The following METTL24 variants were observed in gnomAD, a reference collection of about 807,000 sequenced individuals.
METTL24 encodes the protein methyltransferase like 24.
A neutral mutation model predicts 32.7 loss-of-function variants in METTL24; 29 were observed. The ratio of observed to expected loss-of-function variants is 0.89; its 90% CI spans 0.66 to 1.21. METTL24 has a LOEUF of 1.21. Among genes scored for constraint, METTL24 ranks in the 50% most tolerant of loss-of-function variants. The probability of loss-of-function intolerance (pLI) is 0.00; values close to 1 mark genes in which losing one functional copy is unlikely to be tolerated. For missense variants in METTL24, 439 were observed against 468.1 expected, an observed-to-expected ratio of 0.94 and a Z score of 0.57; for synonymous variants, 163 against 179.5, an observed-to-expected ratio of 0.91 and a Z score of 0.73.
intron 4 of METTL24, among the ~76,000 whole-genome samples, chr6:110,271,320 G>C (rs1348714526): frequency 1.3e-5 from 2 of 151,826 alleles, no homozygotes; most frequent in East Asian, 1.9e-4. Flanking sequence ...TTTTGAGATA[G>C]GGTCTCGCTC....
chr6:110,356,446 T>TA (rs1260440429), intron 1 of METTL24, among the ~76,000 whole-genome samples: 1 of 149,546 alleles, frequency 6.7e-6, no homozygotes, highest in Non-Finnish European at 1.5e-5. Context: ...CCGGCTCAAA[T>TA]AAAAAAAAGA....
rs371550805 is a variant in METTL24 at position 110,299,010 on chromosome 6, C to T, written c.698G>A (p.Arg233Gln). 45 of 1,614,026 alleles carry T rather than the reference C, an allele frequency of 2.8e-5. No individual in the cohort carries two copies. Among genetic ancestry groups the T allele is most frequent in the East Asian group, 2.2e-5 (1 of 44,890 alleles). The change falls in exon 4 of 5, where the codon CGG becomes CAG. Residue 233 changes from arginine (R) to glutamine (Q), a missense_variant. Physicochemically the swap from Arg to Gln is conservative, Grantham distance 43. Transcript: ENST00000338882. ...GGCAGCAACAGCTGGATGGGGATCCCGCCAGTCAATGGACAAGCGGTGATA... is the reference window on the plus strand; with the variant it reads ...GGCAGCAACAGCTGGATGGGGATCCTGCCAGTCAATGGACAAGCGGTGATA... ...LWYHRLSIDW[R>Q]DPHPAVAAQK...
intron 3 of METTL24, among the ~76,000 whole-genome samples, chr6:110,302,133 C>T (rs35422744): frequency 3.3e-4 from 50 of 151,970 alleles, no homozygotes; most frequent in Non-Finnish European, 6.5e-4. Context: ...AAAACATTAG[C>T]CAGGCGTGGT....
chr6:110,281,553 C>T (rs904553953), intron 4 of METTL24, among the ~76,000 whole-genome samples: 1 of 151,412 alleles, frequency 6.6e-6, no homozygotes. Flanking sequence ...AGGTTGAACC[C>T]AGGAGGTAGA....
intron 3 of METTL24, among the ~76,000 whole-genome samples, chr6:110,314,020 T>C (rs1466894861): frequency 6.6e-6 from 1 of 152,232 alleles, no homozygotes; most frequent in South Asian, 2.1e-4. Flanking sequence ...TTGTTTGTTA[T>C]AGTTTGACAG....
intron 4 of METTL24, among the ~76,000 whole-genome samples, chr6:110,279,780 C>T (rs1356063140): frequency 6.6e-6 from 1 of 152,124 alleles, no homozygotes; most frequent in Non-Finnish European, 1.5e-5. Flanking sequence ...CACCCCTTAA[C>T]CCCAAAACCC....
chr6:110,354,029 G>A (rs537334345), intron 1 of METTL24, among the ~76,000 whole-genome samples: 3 of 152,250 alleles, frequency 2.0e-5, no homozygotes, highest in African/African-American at 7.2e-5. Flanking sequence ...CATAGTATGC[G>A]AAATTTGGAG....
At chr6:110,303,843 G>GT (rs1441157679) in intron 3 of METTL24, among the ~76,000 whole-genome samples, 22 of 152,158 alleles carry the variant, frequency 1.4e-4, no homozygotes, top group Admixed American at 5.9e-4. Flanking sequence ...CTGCAAGTGG[G>GT]TACCTGACCC....
At chr6:110,270,106 T>C (rs1242932088) in intron 4 of METTL24, among the ~76,000 whole-genome samples, 1 of 152,216 alleles carries the variant, frequency 6.6e-6, no homozygotes, top group Non-Finnish European at 1.5e-5. Context: ...AAGAGATCAA[T>C]ACATATAATG....
At chr6:110,322,971 T>A in intron 1 of METTL24, 99 bp from the exon 2 acceptor site, 1 of 845,528 alleles carries the variant, frequency 1.2e-6, no homozygotes, top group Non-Finnish European at 1.9e-6. Flanking sequence ...GCTTTGGCTG[T>A]CAGCAAAACA....
intron 4 of METTL24, among the ~76,000 whole-genome samples, chr6:110,282,732 G>A (rs1167217916): frequency 6.6e-6 from 1 of 150,980 alleles, no homozygotes; most frequent in Non-Finnish European, 1.5e-5. Flanking sequence ...ACTCATTTCA[G>A]ACCAACAACT....
chr6:110,342,294 T>C (rs1236188560), intron 1 of METTL24, among the ~76,000 whole-genome samples: 2 of 152,116 alleles, frequency 1.3e-5, no homozygotes, highest in African/African-American at 4.8e-5. Flanking sequence ...TGGGGAGCTG[T>C]TGGGAGAGGG....
chr6:110,322,580 A>G (rs1771946847), intron 2 of METTL24, among the ~76,000 whole-genome samples, 194 bp downstream of exon 2: 1 of 152,244 alleles, frequency 6.6e-6, no homozygotes, highest in Admixed American at 6.5e-5. Context: ...AGGAAGGAAC[A>G]TGCCCTAGCA....
chr6:110,272,665 C>T (rs144084407), intron 4 of METTL24, among the ~76,000 whole-genome samples: 3,384 of 152,290 alleles, frequency 0.022, 151 homozygotes, highest in African/African-American at 0.076. Flanking sequence ...GCCATTCTTG[C>T]AGGAGTAAGG....
chr6:110,334,907 C>T (rs1772182977), intron 1 of METTL24, among the ~76,000 whole-genome samples: 1 of 152,182 alleles, frequency 6.6e-6, no homozygotes, highest in African/African-American at 2.4e-5. Flanking sequence ...CAGGACATTC[C>T]TTGCATGATT....
At chr6:110,334,208 G>C (rs949489055) in intron 1 of METTL24, among the ~76,000 whole-genome samples, 3 of 152,152 alleles carry the variant, frequency 2.0e-5, no homozygotes, top group African/African-American at 7.2e-5. Flanking sequence ...GGTCTCTTTG[G>C]TGGCTCTCAG....
chr6:110,300,058 A>G (rs1170958814), intron 3 of METTL24, among the ~76,000 whole-genome samples: 1 of 152,202 alleles, frequency 6.6e-6, no homozygotes, highest in East Asian at 1.9e-4. Flanking sequence ...CATAGATTCT[A>G]CAAGTATTTT....
intron 4 of METTL24, among the ~76,000 whole-genome samples, chr6:110,265,714 G>T (rs533835640): frequency 6.6e-6 from 1 of 152,252 alleles, no homozygotes; most frequent in Admixed American, 6.5e-5. Flanking sequence ...TATGCCAGGG[G>T]AGGAGGTAGG....
chr6:110,265,161 GAAAGAAAGAA>G (rs1770830338), intron 4 of METTL24, among the ~76,000 whole-genome samples: 6 of 146,772 alleles, frequency 4.1e-5, no homozygotes, highest in Non-Finnish European at 7.5e-5. Context: ...AAGAAAGAAA[GAAAGAAAGAA>G]AGAAAGAAAG....
Sources: allele counts gnomAD v4.1 joint callset (sites outside exome capture counted in the v4.1 genomes callset), GRCh38; gene constraint gnomAD v4.1.1; transcripts MANE v1.5; gene names NCBI Gene and HGNC (gene_info 2026-07-23, HGNC 2026-07-21).